The following CHRNB4 variants were observed in gnomAD, a reference collection of about 807,000 sequenced individuals.
CHRNB4 encodes the protein cholinergic receptor nicotinic beta 4 subunit.
In CHRNB4, 23 loss-of-function variants were observed where a neutral mutation model predicts 40.4. The ratio of observed to expected loss-of-function variants is 0.57; its 90% CI spans 0.41 to 0.81. The LOEUF (loss-of-function observed/expected upper bound fraction) is 0.81. Ranked by LOEUF, CHRNB4 falls within the 30% of genes least tolerant of loss-of-function variation. CHRNB4 has a pLI of 0.00. For missense variants in CHRNB4, 568 were observed against 670.6 expected, an observed-to-expected ratio of 0.85 and a Z score of 1.69; for synonymous variants, 285 against 274.4, an observed-to-expected ratio of 1.04 and a Z score of -0.38.
At chr15:78,660,924 G>C (rs2141415127), upstream of CHRNB4, 1 of 383,014 alleles carries the variant, frequency 2.6e-6, no homozygotes, top group East Asian at 6.3e-5. Context: ...ATTGCCTGGG[G>C]ATTTGATTGA....
intron 1 of CHRNB4, among the ~76,000 whole-genome samples, chr15:78,637,465 G>A (rs541992944): frequency 3.0e-4 from 45 of 152,242 alleles, no homozygotes; most frequent in Non-Finnish European, 4.9e-4. Flanking sequence ...AGGGAAGCAG[G>A]TGGGAGGATC....
intron 7 of CHRNB4, among the ~76,000 whole-genome samples, chr15:78,647,143 A>G (rs2054129008): frequency 6.6e-6 from 1 of 152,178 alleles, no homozygotes; most frequent in Admixed American, 6.6e-5. Flanking sequence ...GTCTCAGGAG[A>G]AAAAAATATT....
intron 5 of CHRNB4, chr15:78,626,951 G>C (rs894281543): frequency 6.6e-6 from 1 of 152,292 alleles, no homozygotes; most frequent in African/African-American, 2.4e-5. Context: ...GTGGGTGCCG[G>C]CTCAGCCAGG....
At chr15:78,633,416 G>A (rs979445772) in intron 2 of CHRNB4, among the ~76,000 whole-genome samples, 35 of 152,296 alleles carry the variant, frequency 2.3e-4, no homozygotes, top group African/African-American at 8.2e-4. Context: ...ACCATACCTA[G>A]AGTGTGGCCC....
At chr15:78,651,125 A>G (rs1037305273) in intron 6 of CHRNB4, among the ~76,000 whole-genome samples, 14 of 152,118 alleles carry the variant, frequency 9.2e-5, no homozygotes, top group Admixed American at 7.9e-4. Flanking sequence ...AAACAGCTGA[A>G]GCAACCATGA....
intron 1 of CHRNB4, among the ~76,000 whole-genome samples, chr15:78,638,718 G>GAGCCC (rs1177307393): frequency 6.6e-6 from 1 of 152,224 alleles, no homozygotes; most frequent in Non-Finnish European, 1.5e-5. Flanking sequence ...AGGGGCGACG[G>GAGCCC]AGCCCAGCCC....
chr15:78,644,172 A>G (rs1445391608), upstream of CHRNB4, among the ~76,000 whole-genome samples: 1 of 151,834 alleles, frequency 6.6e-6, no homozygotes, highest in Admixed American at 6.6e-5. Flanking sequence ...CAAAAAAAAA[A>G]AAGATTCTAT....
At chr15:78,647,876 A>AG (rs2054139267) in intron 7 of CHRNB4, among the ~76,000 whole-genome samples, 1 of 150,132 alleles carries the variant, frequency 6.7e-6, no homozygotes, top group East Asian at 1.9e-4. Flanking sequence ...AAAAAAAAAA[A>AG]AAAAAAAAAG....
chr15:78,636,923 G>GC (rs1363087087), intron 1 of CHRNB4, among the ~76,000 whole-genome samples: 1 of 152,226 alleles, frequency 6.6e-6, no homozygotes, highest in Non-Finnish European at 1.5e-5. Context: ...CAGGGGAGCA[G>GC]CCCCATTACT....
At chr15:78,633,283 G>A (rs1269098749) in intron 2 of CHRNB4, among the ~76,000 whole-genome samples, 1 of 152,208 alleles carries the variant, frequency 6.6e-6, no homozygotes, top group African/African-American at 2.4e-5. Flanking sequence ...GTGATCCAGA[G>A]TAACACAGGC....
At chr15:78,651,736 A>G (rs2054173950) in intron 6 of CHRNB4, among the ~76,000 whole-genome samples, 2 of 152,212 alleles carry the variant, frequency 1.3e-5, no homozygotes, top group Admixed American at 1.3e-4. Context: ...AGGAGGGTGT[A>G]AGCGGCAAGT....
chr15:78,625,480 C>T (rs111750389), intron 5 of CHRNB4, among the ~76,000 whole-genome samples, 189 bp from the exon 6 acceptor site: 11 of 152,310 alleles, frequency 7.2e-5, no homozygotes, highest in African/African-American at 2.6e-4. Context: ...TGGCTGTTCT[C>T]CACCTCCACC....
intron 1 of CHRNB4, 80 bp downstream of exon 1, chr15:78,640,999 C>T: frequency 6.8e-7 from 1 of 1,467,522 alleles, no homozygotes; most frequent in Non-Finnish European, 9.2e-7. Flanking sequence ...GGCACCCTCC[C>T]TTCCCTCCCA....
intron 2 of CHRNB4, among the ~76,000 whole-genome samples, chr15:78,657,992 T>C (rs2054227357): frequency 6.6e-6 from 1 of 151,128 alleles, no homozygotes; most frequent in Admixed American, 6.6e-5. Flanking sequence ...GGGACACATA[T>C]ATCATTATTC....
At chr15:78,630,057 C>T (rs1596102437) in intron 4 of CHRNB4, 112 bp from the exon 5 acceptor site, 4 of 1,242,314 alleles carry the variant, frequency 3.2e-6, no homozygotes, top group East Asian at 5.2e-5. Context: ...ATCACCCTTC[C>T]AATCCCCCAG....
chr15:78,640,437 G>A (rs2054045115), intron 1 of CHRNB4, among the ~76,000 whole-genome samples: 1 of 152,234 alleles, frequency 6.6e-6, no homozygotes, highest in African/African-American at 2.4e-5. Flanking sequence ...GCACACCTCG[G>A]GTGGGTGACC....
intron 5 of CHRNB4, 32 bp from the exon 6 acceptor site, chr15:78,625,323 GCCAAGTACTGGGGTCCCTCCTTT>G (rs769163548): frequency 3.3e-5 from 50 of 1,517,076 alleles, no homozygotes; most frequent in Non-Finnish European, 4.2e-5. Context: ...GGTCACAGGT[GCCAAGTACTGGGGTCCCTCCTTT>G]CCCCGAGTCA....
intron 5 of CHRNB4, among the ~76,000 whole-genome samples, chr15:78,654,157 A>G (rs955010473): frequency 3.9e-5 from 6 of 152,152 alleles, no homozygotes; most frequent in African/African-American, 1.4e-4. Context: ...CTCTGGATGA[A>G]CTTACCAGGG....
At position 78,629,807 on chromosome 15, in the gene CHRNB4, G is replaced by C. The variant is rs148540431; in HGVS notation, c.498C>G (p.Asn166Lys). The change falls in exon 5 of 6, where the codon AAC becomes AAG. Residue 166 changes from asparagine to lysine, a missense_variant. Asn to Lys is a moderately conservative substitution (Grantham distance 94). Transcript: ENST00000261751. This position sits in a 1 kb window ranked among gnomAD's most constrained non-coding sequence, Gnocchi z 6.8. ...TCCAGGAGCGGAACTTGAGGGTGCA[G>C]TTCTGCTGGTCGAAGGGAAAGTACT... is the stretch of plus-strand genomic sequence containing the variant. ...EVKYFPFDQQ[N>K]CTLKFRSWTY... is the part of the protein sequence containing the mutation. The C allele has an allele frequency of 6.1e-5, 98 of 1,614,180 alleles. No homozygotes were observed. The highest frequency in any genetic ancestry group is 6.9e-5 in the Non-Finnish European group (82 of 1,180,044).
Sources: gnomAD v4.1 joint callset for allele counts (sites outside exome capture counted in the v4.1 genomes callset) on GRCh38, gnomAD v4.1.1 for gene constraint, Gnocchi (gnomAD v3.1) non-coding constraint, MANE v1.5 for transcripts, NCBI Gene and HGNC (gene_info 2026-07-23, HGNC 2026-07-21) for gene names.